The following GOLM1 variants were observed in gnomAD, a reference collection of about 807,000 sequenced individuals.
The protein encoded by GOLM1 is epididymis luminal protein 46.
In GOLM1, 31 loss-of-function variants were observed where a neutral mutation model predicts 50.5. The ratio of observed to expected loss-of-function variants is 0.61; its 90% CI spans 0.46 to 0.83. GOLM1 has a LOEUF of 0.83. Ranked by LOEUF, GOLM1 falls within the 40% of genes least tolerant of loss-of-function variation. The pLI is 0.00. For synonymous variants in GOLM1, 178 were observed against 192.8 expected, an observed-to-expected ratio of 0.92 and a Z score of 0.64; for missense variants, 491 against 501.3, an observed-to-expected ratio of 0.98 and a Z score of 0.20.
rs141158899 is a variant in GOLM1 at position 86,039,217 on chromosome 9, T to A, written c.597+1522A>T. Among the ~76,000 whole-genome samples the A allele has an allele frequency of 1.9e-4, 29 of 152,316 alleles. No individual in the cohort carries two copies. The East Asian group carries it at 5.4e-3, about 28-fold the overall frequency. The stretch of plus-strand genomic sequence containing the variant: ...AAGATGCTGAATATCATCAGGGATA[T>A]CACAGTTATTAGGGAAATGCAAACC... On this transcript the variant is annotated intron_variant, in intron 6 of 9. Coordinates refer to ENST00000388712, the MANE Select transcript of GOLM1 (RefSeq NM_016548.4).
intron 3 of GOLM1, among the ~76,000 whole-genome samples, chr9:86,053,665 A>ATAC (rs1564347570): frequency 3.5e-4 from 21 of 60,598 alleles, no homozygotes; most frequent in Non-Finnish European, 7.5e-4. Flanking sequence ...ACACCACTCC[A>ATAC]CACACGGCAC....
intron 3 of GOLM1, among the ~76,000 whole-genome samples, chr9:86,053,834 C>T (rs1202828165): frequency 1.4e-5 from 2 of 147,760 alleles, no homozygotes. Context: ...CCAAACCAAA[C>T]CACACCACAC....
chr9:86,027,418 C>A lies in GOLM1; in HGVS notation c.*399G>T. 9.8e-7 allele frequency: 1 copy of A among 1,016,428 alleles called. No individual in the cohort carries two copies. Among genetic ancestry groups the A allele is most frequent in the South Asian group, 4.0e-5 (1 of 24,918 alleles). The allele number at this position is 1,016,428 out of a possible 1,614,324, so 63.0% of individuals were successfully genotyped here. On this transcript the variant is annotated 3_prime_UTR_variant, in exon 10 of 10. Coordinates refer to ENST00000388712, the MANE Select transcript of GOLM1 (RefSeq NM_016548.4). ...CACTTGGTACAGCACGTGGACAGGA[C>A]GACGGAACCCAGAGTTCTCTGTCTC...
In GOLM1 at chr9:86,027,465, T is replaced by C; in HGVS notation, c.*352A>G. On this transcript the variant is annotated 3_prime_UTR_variant, in exon 10 of 10. Coordinates refer to ENST00000388712, the MANE Select transcript of GOLM1 (RefSeq NM_016548.4). ...TCTCTCCTTCACAGCAGATGGACTC[T>C]TCTATAGGTGGCTGTTAATTTACAC... 9.2e-7 allele frequency: 1 copy of C among 1,084,844 alleles called. No homozygotes were observed. Among genetic ancestry groups the C allele is most frequent in the Non-Finnish European group, 1.1e-6 (1 of 892,548 alleles). 67.2% of individuals were successfully genotyped at this position (1,084,844 alleles called of 1,614,324 possible).
intron 8 of GOLM1, chr9:86,034,967 T>C (rs889693693): frequency 4.1e-6 from 4 of 974,248 alleles, no homozygotes; most frequent in Non-Finnish European, 4.9e-6. Context: ...CCAATATTCC[T>C]TCCTTCCTTC....
intron 3 of GOLM1, among the ~76,000 whole-genome samples, chr9:86,060,783 C>T (rs113280447): frequency 1.7e-4 from 24 of 143,958 alleles, no homozygotes; most frequent in African/African-American, 5.7e-4. Context: ...GAGGCTGAGG[C>T]AGGAGAATTG....
intron 1 of GOLM1, among the ~76,000 whole-genome samples, chr9:86,094,615 G>C (rs893754073): frequency 6.6e-6 from 1 of 152,156 alleles, no homozygotes; most frequent in South Asian, 2.1e-4. Flanking sequence ...ATTTTCTGAA[G>C]AAAGGTTGAA....
intron 3 of GOLM1, among the ~76,000 whole-genome samples, chr9:86,064,081 G>A (rs1279625843): frequency 6.6e-6 from 1 of 152,226 alleles, no homozygotes. Context: ...CTCCCTGGAG[G>A]TGGGAGGTGA....
intron 1 of GOLM1, among the ~76,000 whole-genome samples, chr9:86,095,112 G>T (rs1414952085): frequency 6.6e-6 from 1 of 151,110 alleles, no homozygotes; most frequent in African/African-American, 2.4e-5. Flanking sequence ...AAAGAAAAAA[G>T]AATACATCTC....
chr9:86,034,993 A>G, intron 8 of GOLM1: 1 of 984,266 alleles, frequency 1.0e-6, no homozygotes, highest in Non-Finnish European at 1.2e-6. Flanking sequence ...TTCATTCACT[A>G]GGCACTGATT....
upstream of GOLM1, among the ~76,000 whole-genome samples, chr9:86,099,835 G>C (rs1392382660): frequency 6.6e-6 from 1 of 152,272 alleles, no homozygotes; most frequent in African/African-American, 2.4e-5. Context: ...CGCGGAGCGG[G>C]GAAGCGGCTG....
intron 3 of GOLM1, among the ~76,000 whole-genome samples, chr9:86,053,643 C>CA (rs1382913853): frequency 0.018 from 36 of 1,996 alleles, no homozygotes; most frequent in East Asian, 0.093. Context: ...AAAACACACA[C>CA]CACACCATGC....
At chr9:86,036,831 C>T (rs1833162024) in intron 6 of GOLM1, 1 of 289,770 alleles carries the variant, frequency 3.5e-6, no homozygotes, top group Admixed American at 5.1e-5. Flanking sequence ...CGACACAATA[C>T]TCCTTGACGA....
Position 86,052,433 on chromosome 9 carries a change from G to A in GOLM1, c.364+104C>T, listed in dbSNP as rs45462898. ...TGCTCAATGACTCATGACACTATCC[G>A]CCATGAGATTATAATGGAGACCCAC... On this transcript the variant is annotated intron_variant, in intron 4 of 9. Coordinates refer to ENST00000388712, the MANE Select transcript of GOLM1 (RefSeq NM_016548.4). 15,388 of 892,550 alleles carry A rather than the reference G, an allele frequency of 0.017. 186 individuals are homozygous for A. Among genetic ancestry groups the A allele is most frequent in the Non-Finnish European group, 0.024 (12,641 of 532,008 alleles). 55.3% of individuals were successfully genotyped at this position (892,550 alleles called of 1,614,324 possible).
At chr9:86,060,411 AAAC>A (rs544833449) in intron 3 of GOLM1, among the ~76,000 whole-genome samples, 10 of 152,262 alleles carry the variant, frequency 6.6e-5, no homozygotes, top group Middle Eastern at 3.4e-3. Flanking sequence ...TCACACACAC[AAAC>A]AACAAGACAA....
intron 6 of GOLM1, chr9:86,036,779 T>G: frequency 2.3e-6 from 1 of 436,386 alleles, no homozygotes. Context: ...TACGGAATAA[T>G]AAAATACCTA....
At chr9:86,090,850 G>A (rs530797027) in intron 1 of GOLM1, among the ~76,000 whole-genome samples, 20 of 142,784 alleles carry the variant, frequency 1.4e-4, no homozygotes, top group Admixed American at 2.1e-4. Context: ...CCAAATGGCC[G>A]CCCAGTTTTG....
chr9:86,072,384 C>T (rs1587728027), intron 3 of GOLM1, among the ~76,000 whole-genome samples: 2 of 152,182 alleles, frequency 1.3e-5, no homozygotes, highest in African/African-American at 2.4e-5. Flanking sequence ...GTCACCATCA[C>T]ACAGCTGTTG....
At chr9:86,053,652 G>GCCACACCA (rs1564347547) in intron 3 of GOLM1, among the ~76,000 whole-genome samples, 17 of 2,382 alleles carry the variant, frequency 7.1e-3, no homozygotes, top group East Asian at 0.063. Context: ...ACCACACCAT[G>GCCACACCA]CTACACCACT....
Sources: allele counts gnomAD v4.1 joint callset (sites outside exome capture counted in the v4.1 genomes callset), GRCh38; gene constraint gnomAD v4.1.1; transcripts MANE v1.5; gene names NCBI Gene and HGNC (gene_info 2026-07-23, HGNC 2026-07-21).